The following ATP1A3 variants were observed in gnomAD, a reference collection of about 807,000 sequenced individuals.
ATP1A3 encodes the protein ATPase Na+/K+ transporting subunit alpha 3.
ATP1A3 carries 12 observed loss-of-function variants against 108.8 expected under a neutral mutation model. That is an observed-to-expected ratio of 0.11 (90% CI 0.07 to 0.18). The LOEUF is 0.18. Among genes scored for constraint, ATP1A3 ranks in the 10% least tolerant of loss-of-function variants. The pLI is 1.00. For synonymous variants in ATP1A3, 539 were observed against 564.5 expected (o/e 0.95, Z 0.64); for missense variants, 498 against 1,387.7 (o/e 0.36, Z 10.19).
chr19:41,985,431 T>C lies in ATP1A3; in HGVS notation c.607-8A>G. On this transcript the variant is annotated splice_region_variant and splice_polypyrimidine_tract_variant and intron_variant, in intron 6 of 22. Transcript: ENST00000648268. The surrounding 1 kb of genome is among the most constrained non-coding windows in gnomAD (Gnocchi z 8.2). ...CAGGGAGGAGTTGTCCACCTGGGGGTAGGTGCAGCAGAGAGAGGGTTCAGT... is the reference window on the plus strand; with the variant it reads ...CAGGGAGGAGTTGTCCACCTGGGGGCAGGTGCAGCAGAGAGAGGGTTCAGT... The C allele has an allele frequency of 6.2e-7, 1 of 1,611,514 alleles. No individual in the cohort carries two copies. The highest frequency in any genetic ancestry group is 1.3e-5 in the African/African-American group (1 of 74,690).
Position 41,985,846 on chromosome 19 carries a change from C to A in ATP1A3, c.606+18G>T. The A allele has an allele frequency of 6.2e-7, 1 of 1,613,412 alleles. No individual in the cohort carries two copies. The highest frequency in any genetic ancestry group is 1.7e-4 in the Middle Eastern group (1 of 5,952). Reference sequence around the variant, plus strand: ...CAGCCCGAGGGAGGGTAAAGCCGGGCCCTAGGCCCAGGCCCACCTTGCAGC... The same window carrying A: ...CAGCCCGAGGGAGGGTAAAGCCGGGACCTAGGCCCAGGCCCACCTTGCAGC... On this transcript the variant is annotated intron_variant, in intron 6 of 22. Transcript: ENST00000648268. This position sits in a 1 kb window ranked among gnomAD's most constrained non-coding sequence, Gnocchi z 8.2.
At position 41,976,494 on chromosome 19, in the gene ATP1A3, C is replaced by T. The variant is rs2145961560; in HGVS notation, c.2016G>A (p.Leu672=). 2 of 1,614,186 alleles carry T rather than the reference C, an allele frequency of 1.2e-6. No homozygotes were observed. Among genetic ancestry groups the T allele is most frequent in the Non-Finnish European group, 8.5e-7 (1 of 1,180,036 alleles). Residue 672 remains leucine (L), a synonymous_variant, in exon 15 of 23, where the codon CTG becomes CTA. Coordinates refer to ENST00000648268, the MANE Select transcript of ATP1A3 (RefSeq NM_152296.5). ...DFTSEQIDEI[L]QNHTEIVFAR... ...CGAAGACGATCTCGGTGTGATTCTGCAGGATCTCGTCGATTTGCTCGGAGG... is the reference window on the plus strand; with the variant it reads ...CGAAGACGATCTCGGTGTGATTCTGTAGGATCTCGTCGATTTGCTCGGAGG...
In ATP1A3 at chr19:41,968,844, C is replaced by T; in HGVS notation, c.2760G>A (p.Gln920=). 1 of 1,614,206 alleles carries T rather than the reference C, an allele frequency of 6.2e-7. No individual in the cohort carries two copies. The highest frequency in any genetic ancestry group is 1.1e-5 in the South Asian group (1 of 91,088). ...TAFFVSIVVV[Q]WADLIICKTR... ...TCTTGCAGATGATCAGATCGGCCCACTGGACGACAACGATGCTCACAAAGA... is the reference window on the plus strand; with the variant it reads ...TCTTGCAGATGATCAGATCGGCCCATTGGACGACAACGATGCTCACAAAGA... Residue 920 remains glutamine, a synonymous_variant, in exon 20 of 23, where the codon CAG becomes CAA. Coordinates refer to ENST00000648268, the MANE Select transcript of ATP1A3 (RefSeq NM_152296.5). The surrounding 1 kb of genome is among the most constrained non-coding windows in gnomAD (Gnocchi z 5.0).
rs2075081426 is a variant in ATP1A3 at position 41,969,678 on chromosome 19, G to C, written c.2543-98C>G. The C allele has an allele frequency of 1.1e-5, 16 of 1,481,278 alleles. 1 individual carries two copies. Among genetic ancestry groups the C allele is most frequent in the South Asian group, 4.5e-5 (4 of 88,060 alleles). 91.8% of individuals were successfully genotyped at this position (1,481,278 alleles called of 1,614,324 possible). A position where few individuals can be genotyped will look rare whatever the true frequency, so the allele number is the denominator to read the frequency against. ...GGCCCGGAGGCCTCCTTGGAGAGGG[G>C]AGTATGCCCTCCTGGCCCTGTTATC... On this transcript the variant is annotated intron_variant, in intron 18 of 22. Transcript: ENST00000648268.
At chr19:41,982,217 G>A in intron 8 of ATP1A3, 111 bp from the exon 9 acceptor site, 1 of 1,579,068 alleles carries the variant, frequency 6.3e-7, no homozygotes, top group Non-Finnish European at 8.7e-7. Context: ...AATCCTGAGG[G>A]CCTGGAAAAG....
At chr19:41,971,840 T>G (rs1228843217) in intron 16 of ATP1A3, among the ~76,000 whole-genome samples, 1 of 152,204 alleles carries the variant, frequency 6.6e-6, no homozygotes, top group African/African-American at 2.4e-5. Flanking sequence ...TGTAAAAATT[T>G]ATACACCCTG....
In ATP1A3 at chr19:41,978,716, C is replaced by T. The variant is rs782370873; in HGVS notation, c.1520G>A (p.Arg507His). Residue 507 changes from arginine (R) to histidine (H), a missense_variant, in exon 12 of 23, where the codon CGC becomes CAC. Arg to His is a conservative substitution (Grantham distance 29). Around this residue, in one of 9 missense-constraint regions of ATP1A3, gnomAD observed 92 missense variants for 168.7 expected, o/e 0.55. Coordinates refer to ENST00000648268, the MANE Select transcript of ATP1A3 (RefSeq NM_152296.5). The surrounding 1 kb of genome is among the most constrained non-coding windows in gnomAD (Gnocchi z 8.3). ...GCCCTGTAGCAGGATGGTGGAGCAGCGGTCCAGGATGCGCTCGGGGGCACC... is the reference window on the plus strand; with the variant it reads ...GCCCTGTAGCAGGATGGTGGAGCAGTGGTCCAGGATGCGCTCGGGGGCACC... ...MKGAPERILD[R>H]CSTILLQGKE... The T allele has an allele frequency of 1.7e-4, 280 of 1,613,996 alleles. 1 individual carries two copies. Among genetic ancestry groups the T allele is most frequent in the Non-Finnish European group, 2.3e-4 (266 of 1,180,008 alleles).
In ATP1A3 at chr19:41,986,101, C is replaced by T. The variant is rs1371096623; in HGVS notation, c.471+15G>A. 6.2e-7 allele frequency: 1 copy of T among 1,614,170 alleles called. No individual in the cohort carries two copies. Among genetic ancestry groups the T allele is most frequent in the Non-Finnish European group, 8.5e-7 (1 of 1,179,996 alleles). On this transcript the variant is annotated intron_variant, in intron 5 of 22. Coordinates refer to ENST00000648268, the MANE Select transcript of ATP1A3 (RefSeq NM_152296.5). The stretch of plus-strand genomic sequence containing the variant: ...ACTAACACCCCCGTCTGGCCCCTTG[C>T]TGGGCACCCTTCACCTGGGGCACCA...
At chr19:41,993,084 C>A in intron 1 of ATP1A3, 1 of 286,326 alleles carries the variant, frequency 3.5e-6, no homozygotes, top group Non-Finnish European at 6.6e-6. Context: ...CTTTATCCGC[C>A]ATCTTTCTCC....
intron 8 of ATP1A3, 91 bp from the exon 9 acceptor site, chr19:41,982,197 GC>G: frequency 6.2e-7 from 1 of 1,604,992 alleles, no homozygotes; most frequent in Non-Finnish European, 8.5e-7. Context: ...CAGCTGCCCA[GC>G]CCCCAGAGAA....
In ATP1A3 at chr19:41,978,305, G is replaced by T. The variant is rs2145965138; in HGVS notation, c.1652C>A (p.Pro551His). The T allele has an allele frequency of 6.2e-7, 1 of 1,606,408 alleles. No homozygotes were observed. Among genetic ancestry groups the T allele is most frequent in the Non-Finnish European group, 8.5e-7 (1 of 1,176,726 alleles). Residue 551 changes from proline to histidine, a missense_variant, in exon 13 of 23, where the codon CCC becomes CAC. By Grantham distance (77) the Pro-to-His change is moderately conservative. Coordinates refer to ENST00000648268, the MANE Select transcript of ATP1A3 (RefSeq NM_152296.5). The surrounding 1 kb of genome is among the most constrained non-coding windows in gnomAD (Gnocchi z 8.3). ...RVLGFCHYYL[P>H]EEQFPKGFAF... Reference sequence around the variant, plus strand: ...AAAGCCCTTGGGGAACTGCTCCTCGGGCAGGTAATAATGGCAGAAACCTAG... The same window carrying T: ...AAAGCCCTTGGGGAACTGCTCCTCGTGCAGGTAATAATGGCAGAAACCTAG...
rs549364691 is a variant in ATP1A3 at position 41,987,312 on chromosome 19, G to GCATT, written c.357+620_357+623dup. Among the ~76,000 whole-genome samples the GCATT allele has an allele frequency of 2.9e-3, 441 of 152,238 alleles. 4 individuals carry two copies. The highest frequency in any genetic ancestry group is 9.9e-3 in the African/African-American group (413 of 41,540). On this transcript the variant is annotated intron_variant, in intron 4 of 22. Transcript: ENST00000648268. ...GTCTCTCTGTCACCAGGTTATGCCTGCATTGCTGTGTGTGTGTGTGCGTGT... is the reference window on the plus strand; with the variant it reads ...GTCTCTCTGTCACCAGGTTATGCCTGCATTCATTGCTGTGTGTGTGTGTGCGTGT...
intron 19 of ATP1A3, among the ~76,000 whole-genome samples, chr19:41,969,179 G>A (rs1216772933): frequency 6.6e-6 from 1 of 152,186 alleles, no homozygotes; most frequent in African/African-American, 2.4e-5. Context: ...AAGGAGGACA[G>A]ACAGCAACTG....
Position 41,985,206 on chromosome 19 carries a change from G to A in ATP1A3, c.725-20C>T, listed in dbSNP as rs1555864950. 1 of 1,613,910 alleles carries A rather than the reference G, an allele frequency of 6.2e-7. No homozygotes were observed. Among genetic ancestry groups the A allele is most frequent in the East Asian group, 2.2e-5 (1 of 44,876 alleles). On this transcript the variant is annotated intron_variant, in intron 7 of 22. Coordinates refer to ENST00000648268, the MANE Select transcript of ATP1A3 (RefSeq NM_152296.5). The surrounding 1 kb of genome is among the most constrained non-coding windows in gnomAD (Gnocchi z 8.2). ...CCGTGCCTGCAGGCCAGAGGGGTTA[G>A]GCTGAGGTGGGGTGGCTCAGGGAGG...
At chr19:41,984,454 A>G (rs1350730339) in intron 8 of ATP1A3, 2 of 170,244 alleles carry the variant, frequency 1.2e-5, no homozygotes, top group Admixed American at 1.1e-4. Flanking sequence ...TGAACTCCTG[A>G]CCTCAGCTGA....
chr19:41,982,981 A>G (rs781993326), intron 8 of ATP1A3, among the ~76,000 whole-genome samples: 1 of 152,368 alleles, frequency 6.6e-6, no homozygotes, highest in South Asian at 2.1e-4. Flanking sequence ...GTTTGCCCCA[A>G]ATCATCAGAC....
At position 41,982,616 on chromosome 19, in the gene ATP1A3, A is replaced by G. The variant is rs574674284; in HGVS notation, c.994-510T>C. On this transcript the variant is annotated intron_variant, in intron 8 of 22. Transcript: ENST00000648268. ...ACTCCAGCCTGGGCAACAGAGTGAG[A>G]CTCCAACTCAAAAAAAAAAAAAATT... Among the ~76,000 whole-genome samples the G allele has an allele frequency of 3.4e-4, 52 of 151,404 alleles. 2 individuals are homozygous for G. The South Asian group carries it at 0.01, about 30-fold the overall frequency.
chr19:41,982,256 C>T, intron 8 of ATP1A3, 150 bp from the exon 9 acceptor site: 1 of 1,250,138 alleles, frequency 8.0e-7, no homozygotes, highest in Non-Finnish European at 1.1e-6. Flanking sequence ...AATGCCACCC[C>T]CAATTCAGAC....
At chr19:41,989,381 T>G (rs915009844) in intron 1 of ATP1A3, among the ~76,000 whole-genome samples, 21 of 148,998 alleles carry the variant, frequency 1.4e-4, no homozygotes, top group African/African-American at 5.2e-4. Context: ...TGCAGTGGCA[T>G]GATCTCAGCT....
Sources: gnomAD v4.1 joint callset for allele counts (sites outside exome capture counted in the v4.1 genomes callset) on GRCh38, gnomAD v4.1.1 for gene constraint, gnomAD v4.1.1 regional missense constraint, Gnocchi (gnomAD v3.1) non-coding constraint, MANE v1.5 for transcripts, NCBI Gene and HGNC (gene_info 2026-07-23, HGNC 2026-07-21) for gene names.